SPAG9: variants seen among roughly 807,000 people sequenced by gnomAD.
The protein encoded by SPAG9 is sperm associated antigen 9.
SPAG9 carries 35 observed loss-of-function variants against 166.5 expected under a neutral mutation model. The observed-to-expected ratio is 0.21, with a 90% confidence interval of 0.16 to 0.28. SPAG9 has a LOEUF of 0.28. Ranked by LOEUF, SPAG9 falls within the 10% of genes least tolerant of loss-of-function variation. The pLI is 1.00. For missense variants in SPAG9, 1,235 were observed against 1,603.3 expected (o/e 0.77, Z 3.92); for synonymous variants, 534 against 565.5 (o/e 0.94, Z 0.79).
At chr17:50,986,466 G>C (rs981853193) in intron 22 of SPAG9, among the ~76,000 whole-genome samples, 1 of 152,132 alleles carries the variant, frequency 6.6e-6, no homozygotes, top group African/African-American at 2.4e-5. Flanking sequence ...TAACAGTTGA[G>C]TATTCCTAAT....
At position 51,010,328 on chromosome 17, in the gene SPAG9, C is replaced by T. The variant is rs1431129961; in HGVS notation, c.1214-3002G>A. Reference sequence around the variant, plus strand: ...AAAACTGTCAGAACTATTTAGCAATCCCATTCACTCAGTTGCTATGTGCTA... The same window carrying T: ...AAAACTGTCAGAACTATTTAGCAATTCCATTCACTCAGTTGCTATGTGCTA... On this transcript the variant is annotated intron_variant, in intron 9 of 29. Transcript: ENST00000262013. 2.0e-5 allele frequency among the ~76,000 whole-genome samples: 3 copies of T among 152,030 alleles called. No individual in the cohort carries two copies. The East Asian group carries it at 5.8e-4, about 29-fold the overall frequency.
intron 3 of SPAG9, among the ~76,000 whole-genome samples, chr17:51,053,421 T>A (rs2047235530): frequency 6.6e-6 from 1 of 152,004 alleles, no homozygotes; most frequent in African/African-American, 2.4e-5. Flanking sequence ...GAGCGGTGGC[T>A]CACGCCTGTA....
intron 14 of SPAG9, 54 bp downstream of exon 14, chr17:50,999,607 C>G: frequency 1.3e-6 from 2 of 1,506,322 alleles, no homozygotes; most frequent in Non-Finnish European, 1.8e-6. Context: ...TAAATTTTGA[C>G]TGTAATTTTC....
chr17:50,970,905 G>A, intron 28 of SPAG9, 49 bp from the exon 29 acceptor site: 1 of 1,503,182 alleles, frequency 6.7e-7, no homozygotes, highest in Non-Finnish European at 9.1e-7. Context: ...CAGAAGGGAG[G>A]CTGTTTTGTT....
intron 25 of SPAG9, among the ~76,000 whole-genome samples, chr17:50,981,816 G>T (rs981695859): frequency 6.6e-6 from 1 of 151,726 alleles, no homozygotes; most frequent in Admixed American, 6.6e-5. Context: ...CGGATCACGA[G>T]GTTGGGAGTT....
intron 1 of SPAG9, among the ~76,000 whole-genome samples, chr17:51,087,273 C>T (rs1415387933): frequency 1.3e-5 from 2 of 152,118 alleles, no homozygotes; most frequent in African/African-American, 2.4e-5. Context: ...AAAAATACTT[C>T]AGAAATGGCA....
chr17:50,984,832 TATC>T (rs575663935), intron 24 of SPAG9, 88 bp downstream of exon 24: 252 of 961,428 alleles, frequency 2.6e-4, no homozygotes, highest in Admixed American at 7.7e-4. Context: ...TTAAACTGAG[TATC>T]ATTTCTTTAA....
At chr17:50,969,820 T>G (rs1026049849) in intron 29 of SPAG9, among the ~76,000 whole-genome samples, 1 of 152,134 alleles carries the variant, frequency 6.6e-6, no homozygotes, top group Admixed American at 6.5e-5. Flanking sequence ...ACCTCAAGCA[T>G]CATTTCTTGA....
chr17:51,043,587 A>G (rs1283683015), intron 4 of SPAG9, among the ~76,000 whole-genome samples: 1 of 152,158 alleles, frequency 6.6e-6, no homozygotes, highest in Non-Finnish European at 1.5e-5. Context: ...AAAGTTGTCA[A>G]TCTGATGTTT....
intron 3 of SPAG9, among the ~76,000 whole-genome samples, chr17:51,054,577 T>C (rs547784141): frequency 7.9e-5 from 12 of 151,912 alleles, no homozygotes; most frequent in Non-Finnish European, 1.8e-4. Flanking sequence ...GCTGGGACTA[T>C]AGGCTCCCTC....
chr17:51,089,684 T>TC (rs1294251058), intron 1 of SPAG9, among the ~76,000 whole-genome samples: 2 of 128,310 alleles, frequency 1.6e-5, no homozygotes, highest in Admixed American at 8.4e-5. Flanking sequence ...ACACACACTT[T>TC]CTTTTTTTTG....
intron 6 of SPAG9, chr17:51,031,257 G>A (rs373667617): frequency 2.0e-5 from 4 of 203,110 alleles, no homozygotes; most frequent in South Asian, 7.8e-5. Context: ...AAGCTGGATG[G>A]TGCCCTGACT....
chr17:51,115,408 A>T (rs1039714593), intron 1 of SPAG9, among the ~76,000 whole-genome samples: 4 of 141,072 alleles, frequency 2.8e-5, no homozygotes. Flanking sequence ...CCCAGGCTTG[A>T]ACTCATCCTT....
intron 5 of SPAG9, among the ~76,000 whole-genome samples, chr17:51,040,697 A>G (rs1207810153): frequency 6.6e-6 from 1 of 152,244 alleles, no homozygotes; most frequent in African/African-American, 2.4e-5. Flanking sequence ...GTATTTTAGA[A>G]GCATTGTTAA....
At chr17:51,071,350 T>C (rs987115962) in intron 2 of SPAG9, among the ~76,000 whole-genome samples, 1 of 152,180 alleles carries the variant, frequency 6.6e-6, no homozygotes, top group East Asian at 1.9e-4. Context: ...CCTTACACAC[T>C]TGAAAAGCAC....
At position 51,041,664 on chromosome 17, in the gene SPAG9, G is replaced by A; in HGVS notation, c.591-13C>T. On this transcript the variant is annotated splice_polypyrimidine_tract_variant and intron_variant, in intron 4 of 29. Coordinates refer to ENST00000262013, the MANE Select transcript of SPAG9 (RefSeq NM_001130528.3). ...AGGGCGTTCTTTTCTATTTGAAGAG[G>A]GGAGAAAAAATTCGGCATTCATTTA... 1 of 1,608,406 alleles carries A rather than the reference G, an allele frequency of 6.2e-7. No homozygotes were observed. Among genetic ancestry groups the A allele is most frequent in the Non-Finnish European group, 8.5e-7 (1 of 1,177,962 alleles).
At chr17:51,079,883 T>C (rs569422002) in intron 1 of SPAG9, among the ~76,000 whole-genome samples, 179 bp from the exon 2 acceptor site, 10 of 152,260 alleles carry the variant, frequency 6.6e-5, no homozygotes, top group African/African-American at 1.2e-4. Context: ...CTCCCAAATA[T>C]AGAAGAAAAA....
chr17:51,093,709 A>AG (rs1351335166), intron 1 of SPAG9, among the ~76,000 whole-genome samples: 216 of 151,424 alleles, frequency 1.4e-3, no homozygotes, highest in African/African-American at 5.0e-3. Context: ...AAAAAAAAAA[A>AG]AAAAAAGAAA....
chr17:51,009,275 T>C (rs1225889117), intron 9 of SPAG9: 4 of 358,542 alleles, frequency 1.1e-5, no homozygotes, highest in Non-Finnish European at 2.2e-5. Context: ...GAGAAACCAT[T>C]AACTAAACAC....
Sources: allele counts gnomAD v4.1 joint callset (sites outside exome capture counted in the v4.1 genomes callset), GRCh38; gene constraint gnomAD v4.1.1; transcripts MANE v1.5; gene names NCBI Gene and HGNC (gene_info 2026-07-23, HGNC 2026-07-21).